RAD54L2: variants seen among roughly 807,000 people sequenced by gnomAD.
The protein encoded by RAD54L2 is RAD54 like 2, also known as helicase ARIP4.
Under a neutral mutation model 138.4 loss-of-function variants are expected in RAD54L2, and 27 were observed. The observed-to-expected ratio is 0.20, with a 90% confidence interval of 0.14 to 0.27. RAD54L2 has a LOEUF of 0.27. Ranked by LOEUF, RAD54L2 falls within the 10% of genes least tolerant of loss-of-function variation. The pLI, the probability that RAD54L2 is intolerant of heterozygous loss-of-function variation, is 1.00. For synonymous variants in RAD54L2, 644 were observed against 723.2 expected (o/e 0.89, Z 1.76); for missense variants, 1,396 against 1,890.2 (o/e 0.74, Z 4.85).
intron 3 of RAD54L2, among the ~76,000 whole-genome samples, chr3:51,615,555 A>G (rs1321035051): frequency 6.6e-6 from 1 of 152,234 alleles, no homozygotes; most frequent in East Asian, 1.9e-4. Flanking sequence ...TGTGACAGGC[A>G]TTTTTGTCAG....
At chr3:51,571,154 T>G (rs1047562176) in intron 2 of RAD54L2, among the ~76,000 whole-genome samples, 18 of 152,160 alleles carry the variant, frequency 1.2e-4, no homozygotes, top group Non-Finnish European at 5.9e-5. Context: ...AAATAAATTG[T>G]TTGCATTTCT....
chr3:51,657,916 C>CTTTTTT lies in RAD54L2; in HGVS notation c.3316+269_3316+274dup, dbSNP rs71084155. Reference sequence around the variant, plus strand: ...TCCCTACATTTCTCTATCTTGCTGTCTTTTTTTTTTTTTTTTTTTTTTTTT... The same window carrying CTTTTTT: ...TCCCTACATTTCTCTATCTTGCTGTCTTTTTTTTTTTTTTTTTTTTTTTTTTTTTTT... On this transcript the variant is annotated intron_variant, in intron 21 of 22. Coordinates refer to ENST00000684192, the MANE Select transcript of RAD54L2 (RefSeq NM_015106.4). 8.0e-5 allele frequency among the ~76,000 whole-genome samples: 7 copies of CTTTTTT among 87,446 alleles called. 1 individual carries two copies. Among genetic ancestry groups the CTTTTTT allele is most frequent in the Admixed American group, 3.2e-4 (2 of 6,170 alleles). 57.4% of individuals were successfully genotyped at this position (87,446 alleles called of 152,430 possible). A position where few individuals can be genotyped will look rare whatever the true frequency, so the allele number is the denominator to read the frequency against.
intron 2 of RAD54L2, among the ~76,000 whole-genome samples, chr3:51,552,870 A>G (rs557346695): frequency 6.6e-6 from 1 of 152,068 alleles, no homozygotes; most frequent in Non-Finnish European, 1.5e-5. Context: ...GGGAATCAAC[A>G]TTTTGAATCT....
At chr3:51,630,149 TCTC>T (rs2106796092) in intron 5 of RAD54L2, 120 bp from the exon 6 acceptor site, 1 of 702,240 alleles carries the variant, frequency 1.4e-6, no homozygotes, top group East Asian at 2.7e-5. Flanking sequence ...GGGCTCTGCT[TCTC>T]TTCTCAGTGG....
intron 20 of RAD54L2, among the ~76,000 whole-genome samples, chr3:51,656,700 A>G (rs1237504178): frequency 6.6e-6 from 1 of 152,006 alleles, no homozygotes; most frequent in African/African-American, 2.4e-5. Context: ...ACATTTTGTG[A>G]TCCTGTTTTT....
At chr3:51,608,927 G>T (rs563347687) in intron 3 of RAD54L2, among the ~76,000 whole-genome samples, 8 of 152,260 alleles carry the variant, frequency 5.3e-5, no homozygotes, top group African/African-American at 1.9e-4. Flanking sequence ...GTCTAGCTTT[G>T]TTGCACAGTT....
rs868486847 is a variant in RAD54L2, at chr3:51,607,414, G to A, written c.139+16855G>A. ...ACACAGCACATGTTTCAGAGAGCAC[G>A]GGGTTGGGGGTAAGGTTATAGATCA... On this transcript the variant is annotated intron_variant, in intron 3 of 22. Coordinates refer to ENST00000684192, the MANE Select transcript of RAD54L2 (RefSeq NM_015106.4). Among the ~76,000 whole-genome samples, 10 of 152,266 alleles carry A rather than the reference G, an allele frequency of 6.6e-5. No homozygotes were observed. In the South Asian group the frequency reaches 1.7e-3, roughly 25 times the overall value.
chr3:51,548,869 C>A (rs538466768), intron 2 of RAD54L2, among the ~76,000 whole-genome samples: 1 of 148,018 alleles, frequency 6.8e-6, no homozygotes, highest in African/African-American at 2.5e-5. Context: ...TTCTGTTGCC[C>A]AGGCTGGAGT....
chr3:51,581,927 T>C (rs1427789205), intron 2 of RAD54L2, among the ~76,000 whole-genome samples: 2 of 151,790 alleles, frequency 1.3e-5, no homozygotes, highest in African/African-American at 2.4e-5. Flanking sequence ...CCCTTCTCTT[T>C]TCTTTTTTTT....
At chr3:51,643,060 A>G (rs1701180268) in intron 15 of RAD54L2, among the ~76,000 whole-genome samples, 2 of 134,380 alleles carry the variant, frequency 1.5e-5, no homozygotes, top group South Asian at 2.3e-4. Flanking sequence ...TTTTGAGACG[A>G]AGTCTTACTC....
chr3:51,604,843 T>A (rs1700145575), intron 3 of RAD54L2, among the ~76,000 whole-genome samples: 1 of 152,196 alleles, frequency 6.6e-6, no homozygotes, highest in African/African-American at 2.4e-5. Flanking sequence ...GCAATAGTTG[T>A]TCTGCCAACC....
intron 3 of RAD54L2, among the ~76,000 whole-genome samples, chr3:51,591,814 A>G (rs1000104486): frequency 1.3e-5 from 2 of 152,190 alleles, no homozygotes; most frequent in Non-Finnish European, 1.5e-5. Flanking sequence ...AGACACCCTT[A>G]GAACTCCCAT....
chr3:51,600,072 A>C (rs1358233407), intron 3 of RAD54L2, among the ~76,000 whole-genome samples: 1 of 151,920 alleles, frequency 6.6e-6, no homozygotes, highest in South Asian at 2.1e-4. Context: ...GGGACTGACT[A>C]TGGGCACCTG....
At chr3:51,571,347 G>A (rs1699333010) in intron 2 of RAD54L2, among the ~76,000 whole-genome samples, 1 of 145,100 alleles carries the variant, frequency 6.9e-6, no homozygotes, top group Admixed American at 6.9e-5. Context: ...CTCCCATTTT[G>A]GTGTCTAATG....
chr3:51,605,780 G>C (rs1305077380), intron 3 of RAD54L2, among the ~76,000 whole-genome samples: 1 of 152,166 alleles, frequency 6.6e-6, no homozygotes, highest in Non-Finnish European at 1.5e-5. Context: ...GATACGTCTA[G>C]TTTTGAATGT....
At position 51,645,637 on chromosome 3, in the gene RAD54L2, A is replaced by C; in HGVS notation, c.2703A>C (p.Lys901Asn). 1 of 1,612,720 alleles carries C rather than the reference A, an allele frequency of 6.2e-7. No individual in the cohort carries two copies. Among genetic ancestry groups the C allele is most frequent in the Non-Finnish European group, 8.5e-7 (1 of 1,179,430 alleles). ...DLNPMLNFTR[K>N]EVENLLHFVE... ...ATCCAATGCTGAACTTCACACGGAA[A>C]GAGGTGGAAAACCTACTGCACTTTG... Residue 901 changes from lysine to asparagine, a missense_variant, in exon 18 of 23, where the codon AAA (lysine) becomes AAC (asparagine). Transcript: ENST00000684192. The surrounding 1 kb of genome is among the most constrained non-coding windows in gnomAD (Gnocchi z 6.1).
intron 3 of RAD54L2, among the ~76,000 whole-genome samples, chr3:51,598,772 C>T (rs1700024076): frequency 1.3e-5 from 2 of 151,872 alleles, no homozygotes; most frequent in East Asian, 3.9e-4. Flanking sequence ...ACAAAAAACC[C>T]TAGAGGACTG....
chr3:51,645,632 C>T lies in RAD54L2; in HGVS notation c.2698C>T (p.Arg900Trp), dbSNP rs768057918. The change falls in exon 18 of 23, where the codon CGG (arginine) becomes TGG (tryptophan). Residue 900 changes from arginine (R) to tryptophan (W), a missense_variant. Transcript: ENST00000684192. This position sits in a 1 kb window ranked among gnomAD's most constrained non-coding sequence, Gnocchi z 6.1. The part of the protein sequence containing the change: ...DDLNPMLNFT[R>W]KEVENLLHFV... ...TCTAAATCCAATGCTGAACTTCACA[C>T]GGAAAGAGGTGGAAAACCTACTGCA... 9.3e-6 allele frequency: 15 copies of T among 1,612,284 alleles called. No homozygotes were observed. Among genetic ancestry groups the T allele is most frequent in the East Asian group, 2.2e-5 (1 of 44,856 alleles).
intron 4 of RAD54L2, 101 bp from the exon 5 acceptor site, chr3:51,629,231 CCT>C: frequency 7.6e-7 from 1 of 1,318,842 alleles, no homozygotes. Context: ...CCTTCTCCCG[CCT>C]CGACTCTGAG....
Sources: allele counts gnomAD v4.1 joint callset (sites outside exome capture counted in the v4.1 genomes callset), GRCh38; gene constraint gnomAD v4.1.1; non-coding constraint Gnocchi (gnomAD v3.1); transcripts MANE v1.5; gene names NCBI Gene and HGNC (gene_info 2026-07-23, HGNC 2026-07-21).